Variants in BRAF observed in about 807,000 individuals in gnomAD.
BRAF encodes B-Raf proto-oncogene, serine/threonine kinase.
BRAF carries 16 observed loss-of-function variants against 104.6 expected under a neutral mutation model. That is an observed-to-expected ratio of 0.15 (90% CI 0.10 to 0.23). The LOEUF (loss-of-function observed/expected upper bound fraction) is 0.23, where lower values mean the gene tolerates loss of function less well. BRAF is among the 10% of genes least tolerant of loss of function. The pLI is 1.00. For synonymous variants in BRAF, 310 were observed against 341.6 expected, an observed-to-expected ratio of 0.91 and a Z score of 1.02; for missense variants, 541 against 937.3, an observed-to-expected ratio of 0.58 and a Z score of 5.52.
intron 2 of BRAF, among the ~76,000 whole-genome samples, chr7:140,849,715 G>C (rs1808948247): frequency 6.6e-6 from 1 of 152,072 alleles, no homozygotes. Flanking sequence ...AGGAGGCTGA[G>C]GCAGGACAAT....
At chr7:140,839,149 T>C (rs968012144) in intron 2 of BRAF, among the ~76,000 whole-genome samples, 16 of 152,036 alleles carry the variant, frequency 1.1e-4, no homozygotes, top group Admixed American at 8.5e-4. Context: ...AAGAATGAAG[T>C]TGGGCTACTA....
intron 14 of BRAF, among the ~76,000 whole-genome samples, chr7:140,773,952 T>G (rs1195003263): frequency 1.3e-5 from 2 of 152,242 alleles, no homozygotes; most frequent in Admixed American, 6.5e-5. Context: ...ATTACAGTTT[T>G]AGTGGAGTTC....
intron 3 of BRAF, among the ~76,000 whole-genome samples, chr7:140,818,372 G>A (rs1016301750): frequency 1.3e-5 from 2 of 151,290 alleles, no homozygotes; most frequent in African/African-American, 4.9e-5. Context: ...GAGTGCAGTG[G>A]CACGATATTG....
At chr7:140,870,449 C>T (rs565887346) in intron 1 of BRAF, among the ~76,000 whole-genome samples, 2 of 152,182 alleles carry the variant, frequency 1.3e-5, no homozygotes, top group African/African-American at 4.8e-5. Flanking sequence ...CATACTTACT[C>T]GTTATTATTA....
At chr7:140,738,742 G>A (rs1467836723) in intron 18 of BRAF, among the ~76,000 whole-genome samples, 1 of 152,048 alleles carries the variant, frequency 6.6e-6, no homozygotes, top group African/African-American at 2.4e-5. Flanking sequence ...TCAGCCTCCT[G>A]AGTGGCTGGG....
At chr7:140,857,100 C>G (rs1296535960) in intron 1 of BRAF, among the ~76,000 whole-genome samples, 1 of 151,980 alleles carries the variant, frequency 6.6e-6, no homozygotes, top group East Asian at 1.9e-4. Flanking sequence ...TATTGTGAAA[C>G]AGGGAGATTA....
At chr7:140,864,464 A>G (rs557248448) in intron 1 of BRAF, among the ~76,000 whole-genome samples, 1 of 152,334 alleles carries the variant, frequency 6.6e-6, no homozygotes, top group East Asian at 1.9e-4. Context: ...ATGCAAGTTT[A>G]GAACCCTGGA....
intron 14 of BRAF, among the ~76,000 whole-genome samples, chr7:140,766,519 A>T (rs1799341869): frequency 6.6e-6 from 1 of 152,174 alleles, no homozygotes; most frequent in African/African-American, 2.4e-5. Flanking sequence ...CCTTCCACAT[A>T]GATTCCACAA....
At chr7:140,727,375 G>C (rs1795662645) in intron 19 of BRAF, among the ~76,000 whole-genome samples, 1 of 151,584 alleles carries the variant, frequency 6.6e-6, no homozygotes, top group Admixed American at 6.6e-5. Flanking sequence ...GTAGAGATGG[G>C]GTTTCACCAT....
At chr7:140,897,716 G>T (rs6965532) in intron 1 of BRAF, among the ~76,000 whole-genome samples, 2 of 151,350 alleles carry the variant, frequency 1.3e-5, no homozygotes, top group African/African-American at 2.4e-5. Flanking sequence ...ATGCCAGGAT[G>T]GTCTCAATCT....
chr7:140,848,785 A>G (rs1389225571), intron 2 of BRAF, among the ~76,000 whole-genome samples: 1 of 152,234 alleles, frequency 6.6e-6, no homozygotes, highest in African/African-American at 2.4e-5. Flanking sequence ...GTAATGAGAA[A>G]TAAGAATTCT....
Position 140,753,943 on chromosome 7 carries a change from A to C in BRAF, c.1861+244T>G, listed in dbSNP as rs1171752887. 3 of 554,840 alleles carry C rather than the reference A, an allele frequency of 5.4e-6. No individual in the cohort carries two copies. The Admixed American group carries it at 9.2e-5, about 17-fold the overall frequency. The allele number at this position is 554,840 out of a possible 1,614,324, so 34.4% of individuals were successfully genotyped here. ...TAGTGCTGATAAAATGTAAGCAAGC[A>C]ATCAAAAACTCCTACTATTGTAAAG... On this transcript the variant is annotated intron_variant, in intron 15 of 19. Transcript: ENST00000644969.
At chr7:140,770,716 A>G (rs573993647) in intron 14 of BRAF, among the ~76,000 whole-genome samples, 3 of 152,120 alleles carry the variant, frequency 2.0e-5, no homozygotes, top group East Asian at 3.9e-4. Flanking sequence ...CGGGCAGATC[A>G]CTTGAGGTCA....
intron 1 of BRAF, among the ~76,000 whole-genome samples, chr7:140,919,967 C>G (rs996770870): frequency 1.3e-5 from 2 of 152,102 alleles, no homozygotes; most frequent in Admixed American, 1.3e-4. Flanking sequence ...CTCAGCTTCC[C>G]AAGTAGCTGG....
At chr7:140,742,551 T>A (rs1415049745) in intron 17 of BRAF, among the ~76,000 whole-genome samples, 1 of 152,150 alleles carries the variant, frequency 6.6e-6, no homozygotes, top group African/African-American at 2.4e-5. Context: ...GGTATCCCCT[T>A]TGAAAAAACT....
chr7:140,772,469 A>G (rs1356032765), intron 14 of BRAF, among the ~76,000 whole-genome samples: 1 of 152,050 alleles, frequency 6.6e-6, no homozygotes, highest in Non-Finnish European at 1.5e-5. Flanking sequence ...AAAAAATACA[A>G]AAACATGAGC....
At chr7:140,870,521 T>C (rs1186833220) in intron 1 of BRAF, among the ~76,000 whole-genome samples, 2 of 151,900 alleles carry the variant, frequency 1.3e-5, no homozygotes, top group Admixed American at 1.3e-4. Context: ...ATCTGCAGAG[T>C]AACACAGGGC....
chr7:140,890,106 C>T (rs1814052027), intron 1 of BRAF, among the ~76,000 whole-genome samples: 1 of 152,132 alleles, frequency 6.6e-6, no homozygotes, highest in African/African-American at 2.4e-5. Flanking sequence ...ATTACTTAAC[C>T]CCCAAGTGTC....
rs916842346 is a variant in BRAF, at chr7:140,719,703, C to A, written c.*6791G>T. The A allele has an allele frequency of 3.8e-6, 4 of 1,060,554 alleles. No individual in the cohort carries two copies. The highest frequency in any genetic ancestry group is 1.0e-4 in the East Asian group (2 of 19,654). The allele number at this position is 1,060,554 out of a possible 1,614,324, so 65.7% of individuals were successfully genotyped here. A position where few individuals can be genotyped will look rare whatever the true frequency, so the allele number is the denominator to read the frequency against. On this transcript the variant is annotated 3_prime_UTR_variant, in exon 20 of 20. Transcript: ENST00000644969. ...CATCCATTTGACTGAAAATAAATGT[C>A]TTTTTTATGAATTGAAAAATAAGCT...
Sources: gnomAD v4.1 joint callset for allele counts (sites outside exome capture counted in the v4.1 genomes callset) on GRCh38, gnomAD v4.1.1 for gene constraint, MANE v1.5 for transcripts, NCBI Gene and HGNC (gene_info 2026-07-23, HGNC 2026-07-21) for gene names.